Variants in EVC observed in about 807,000 individuals in gnomAD.
EVC encodes the protein evC complex member EVC.
A neutral mutation model predicts 118.9 loss-of-function variants in EVC; 116 were observed. The observed-to-expected ratio is 0.98, with a 90% CI of 0.84 to 1.14. The LOEUF (loss-of-function observed/expected upper bound fraction) is 1.14, where lower values mean the gene tolerates loss of function less well. Ranked by LOEUF, EVC falls within the 50% of genes most tolerant of loss-of-function variation. The pLI is 0.00. For synonymous variants in EVC, 619 were observed against 534.7 expected (o/e 1.16, Z -2.18); for missense variants, 1,401 against 1,246.4 (o/e 1.12, Z -1.87).
chr4:5,748,580 C>G (rs1729768333), intron 8 of EVC, among the ~76,000 whole-genome samples: 1 of 94,984 alleles, frequency 1.1e-5, no homozygotes, highest in African/African-American at 4.3e-5. Context: ...ATCCATCCAT[C>G]CACCCATCCA....
intron 2 of EVC, among the ~76,000 whole-genome samples, chr4:5,729,081 C>A (rs1726351627): frequency 6.6e-6 from 1 of 152,082 alleles, no homozygotes; most frequent in Non-Finnish European, 1.5e-5. Flanking sequence ...TCTGCCCACC[C>A]ACCCATTCAT....
chr4:5,809,255 C>T (rs1163854018), intron 18 of EVC, among the ~76,000 whole-genome samples: 2 of 152,164 alleles, frequency 1.3e-5, no homozygotes, highest in South Asian at 2.1e-4. Flanking sequence ...TCACTGAGGC[C>T]CTCTGACCTC....
chr4:5,735,538 C>G (rs1215531520), intron 5 of EVC, among the ~76,000 whole-genome samples: 3 of 152,196 alleles, frequency 2.0e-5, no homozygotes, highest in Non-Finnish European at 4.4e-5. Context: ...ACTCTGGGCT[C>G]CATATCACAG....
intron 12 of EVC, among the ~76,000 whole-genome samples, chr4:5,785,315 G>A (rs920880143): frequency 2.0e-5 from 3 of 152,206 alleles, no homozygotes; most frequent in South Asian, 2.1e-4. Flanking sequence ...GTGCTGTTAA[G>A]CCATTACCGC....
the EVC span, chr4:5,825,687 G>C: frequency 6.2e-7 from 1 of 1,608,524 alleles, no homozygotes; most frequent in African/African-American, 1.3e-5. The surrounding 1 kb of genome is among the most constrained non-coding windows in gnomAD (Gnocchi z 4.4). Flanking sequence ...GAGTGTGATT[G>C]ATCGACACTG....
intron 13 of EVC, among the ~76,000 whole-genome samples, chr4:5,794,406 AT>A (rs763765119): frequency 0.15 from 15,896 of 107,264 alleles, 1,117 homozygotes; most frequent in South Asian, 0.35. Context: ...ATATATATAT[AT>A]TTTTTTTCTT....
At chr4:5,767,425 CA>C (rs1733090059) in intron 11 of EVC, among the ~76,000 whole-genome samples, 1 of 149,898 alleles carries the variant, frequency 6.7e-6, no homozygotes, top group Admixed American at 6.7e-5. Context: ...TGGTGGGCTC[CA>C]CCCAGTTGCA....
chr4:5,828,719 G>C, the EVC span: 1 of 1,595,122 alleles, frequency 6.3e-7, no homozygotes, highest in South Asian at 1.1e-5. Context: ...TGCCCCAAAC[G>C]AGCTGTTCAT....
At chr4:5,748,425 A>T in intron 8 of EVC, 119 bp downstream of exon 8, 1 of 924,444 alleles carries the variant, frequency 1.1e-6, no homozygotes, top group Non-Finnish European at 1.6e-6. Context: ...ATAGAGCCTC[A>T]GGGAAAAAAA....
In EVC at chr4:5,711,525, C is replaced by T; in HGVS notation, c.145C>T (p.Arg49Cys). The change falls in exon 1 of 21, where the codon CGC becomes TGC. Residue 49 changes from arginine (R) to cysteine (C), a missense_variant. Coordinates refer to ENST00000264956, the MANE Select transcript of EVC (RefSeq NM_153717.3). ...GLGLGLWLGCRAGRQRTRHQK... is the reference protein window; with the variant it reads ...GLGLGLWLGCCAGRQRTRHQK... The stretch of plus-strand genomic sequence containing the variant: ...CGGCCTCGGCCTTTGGCTTGGCTGC[C>T]GCGCGGGCCGCCAGCGCACGCGACA... 8.6e-7 allele frequency: 1 copy of T among 1,169,352 alleles called. No individual in the cohort carries two copies. The highest frequency in any genetic ancestry group is 1.1e-6 in the Non-Finnish European group (1 of 948,074). 72.4% of individuals were successfully genotyped at this position (1,169,352 alleles called of 1,614,324 possible). A position where few individuals can be genotyped will look rare whatever the true frequency, so the allele number is the denominator to read the frequency against.
chr4:5,783,768 C>G lies in EVC; in HGVS notation c.1776+4C>G. Reference sequence around the variant, plus strand: ...GCTCCTAGAGCAAGACCAGCAGGTGCGGGCATTTGGGAACCCAGGGGCTGG... The same window carrying G: ...GCTCCTAGAGCAAGACCAGCAGGTGGGGGCATTTGGGAACCCAGGGGCTGG... On this transcript the variant is annotated splice_donor_region_variant and intron_variant, in intron 12 of 20. Transcript: ENST00000264956. The G allele has an allele frequency of 6.2e-7, 1 of 1,605,482 alleles. No individual in the cohort carries two copies.
intron 4 of EVC, among the ~76,000 whole-genome samples, chr4:5,732,175 C>T (rs568250068): frequency 6.6e-6 from 1 of 152,064 alleles, no homozygotes; most frequent in Admixed American, 6.5e-5. Context: ...GCTGGTCACA[C>T]AGCCGTGAGT....
chr4:5,727,038 G>A (rs1224970679), intron 2 of EVC, among the ~76,000 whole-genome samples: 1 of 152,168 alleles, frequency 6.6e-6, no homozygotes, highest in Non-Finnish European at 1.5e-5. Flanking sequence ...ATATACATGT[G>A]CATGTGTCTT....
intron 16 of EVC, among the ~76,000 whole-genome samples, chr4:5,803,661 A>G (rs1231081761): frequency 6.6e-6 from 1 of 151,808 alleles, no homozygotes; most frequent in African/African-American, 2.4e-5. Flanking sequence ...AGCCACATCA[A>G]CTCCTTTTTC....
chr4:5,819,944 A>G, the EVC span, among the ~76,000 whole-genome samples: 2 of 152,170 alleles, frequency 1.3e-5, no homozygotes, highest in African/African-American at 4.8e-5. Flanking sequence ...GGGTACATGA[A>G]AAGCCCTGCG....
chr4:5,810,511 G>A (rs2152394995), intron 20 of EVC, 61 bp downstream of exon 20: 2 of 1,316,758 alleles, frequency 1.5e-6, no homozygotes, highest in East Asian at 2.4e-5. Flanking sequence ...CTCAGCTGCT[G>A]TGTGCCAAAA....
rs1729683716 is a variant in EVC, at chr4:5,748,317, AG to A, written c.1098+16del. On this transcript the variant is annotated intron_variant, in intron 8 of 20. Transcript: ENST00000264956. ...GAGCTGCAGGCTCTGGTAATGCTGG[AG>A]GGGGCGGGAGGGAACATAAAGATAT... 1.2e-6 allele frequency: 2 copies of A among 1,613,612 alleles called. No individual in the cohort carries two copies. The highest frequency in any genetic ancestry group is 1.7e-6 in the Non-Finnish European group (2 of 1,179,756).
intron 2 of EVC, among the ~76,000 whole-genome samples, chr4:5,720,207 G>A (rs553651542): frequency 1.4e-4 from 21 of 152,254 alleles, no homozygotes; most frequent in African/African-American, 3.9e-4. Flanking sequence ...GATGGAACTA[G>A]CATTATTTTT....
intron 16 of EVC, 152 bp from the exon 17 acceptor site, chr4:5,804,578 T>C (rs1715553581): frequency 4.2e-6 from 3 of 706,530 alleles, no homozygotes; most frequent in African/African-American, 1.7e-5. Context: ...GTGTTGTTTG[T>C]GCACACAATG....
Sources: allele counts gnomAD v4.1 joint callset (sites outside exome capture counted in the v4.1 genomes callset), GRCh38; gene constraint gnomAD v4.1.1; non-coding constraint Gnocchi (gnomAD v3.1); transcripts MANE v1.5; gene names NCBI Gene and HGNC (gene_info 2026-07-23, HGNC 2026-07-21).